C5: variants seen among roughly 807,000 people sequenced by gnomAD.
C5 encodes the protein complement C5, also known as C3 and PZP-like alpha-2-macroglobulin domain-containing protein 4.
C5 carries 140 observed loss-of-function variants against 218.8 expected under a neutral mutation model. The observed-to-expected ratio is 0.64, with a 90% CI of 0.56 to 0.74. C5 has a LOEUF of 0.74. C5 is among the 30% of genes least tolerant of loss of function. The probability of loss-of-function intolerance (pLI) is 0.00; values close to 1 mark genes in which losing one functional copy is unlikely to be tolerated. For missense variants in C5, 1,700 were observed against 1,969.6 expected (o/e 0.86, Z 2.59); for synonymous variants, 614 against 682.3 (o/e 0.90, Z 1.56).
At chr9:121,056,712 T>C in the C5 span, among the ~76,000 whole-genome samples, 1 of 151,902 alleles carries the variant, frequency 6.6e-6, no homozygotes, top group Non-Finnish European at 1.5e-5. Flanking sequence ...GAATGAAGCA[T>C]GCCTACAAGA....
At position 120,972,054 on chromosome 9, in the gene C5, A is replaced by G. The variant is rs1283242564; in HGVS notation, c.4018-62T>C. ...TCATCATTTGATAGGGAGGGAGGAT[A>G]GAGCTATGAAAAGTGGGTTGACATG... On this transcript the variant is annotated intron_variant, in intron 30 of 40. Coordinates refer to ENST00000223642, the MANE Select transcript of C5 (RefSeq NM_001735.3). 4 of 1,412,856 alleles carry G rather than the reference A, an allele frequency of 2.8e-6. No homozygotes were observed. The Admixed American group carries it at 6.7e-5, about 24-fold the overall frequency. 87.5% of individuals were successfully genotyped at this position (1,412,856 alleles called of 1,614,324 possible).
In C5 at chr9:121,015,241, G is replaced by T. The variant is rs369245774; in HGVS notation, c.2017C>A (p.Leu673Ile). The change falls in exon 16 of 41, where the codon CTC becomes ATC. Residue 673 changes from leucine to isoleucine, a missense_variant. Transcript: ENST00000223642. Reference protein sequence around the residue: ...QENDEPCKEILRPRRTLQKKI... With the variant: ...QENDEPCKEIIRPRRTLQKKI... ...TTTTGCAGCGTTCTTCTTGGCCTGA[G>T]AATTTCTTTACAAGGTTCATCTGGT... 151 of 1,605,330 alleles carry T rather than the reference G, an allele frequency of 9.4e-5. No homozygotes were observed. The highest frequency in any genetic ancestry group is 1.6e-4 in the Middle Eastern group (1 of 6,066).
intron 7 of C5, among the ~76,000 whole-genome samples, chr9:121,028,228 G>A (rs1239577086): frequency 3.3e-5 from 5 of 152,254 alleles, no homozygotes; most frequent in East Asian, 1.9e-4. Flanking sequence ...AAATAGGAAC[G>A]CTTTTACACT....
At chr9:121,003,035 G>A (rs529049475) in intron 20 of C5, among the ~76,000 whole-genome samples, 2 of 152,258 alleles carry the variant, frequency 1.3e-5, no homozygotes, top group African/African-American at 2.4e-5. Context: ...GCTCATGCCT[G>A]TAATTTCAGC....
intron 16 of C5, 58 bp downstream of exon 16, chr9:121,015,141 T>A: frequency 9.4e-7 from 1 of 1,068,786 alleles, no homozygotes. Flanking sequence ...TTTAATTTTG[T>A]CCAGTTTTTG....
In C5 at chr9:121,016,293, A is replaced by G; in HGVS notation, c.1957T>C (p.Phe653Leu). 1 of 1,614,100 alleles carries G rather than the reference A, an allele frequency of 6.2e-7. No individual in the cohort carries two copies. The highest frequency in any genetic ancestry group is 8.5e-7 in the Non-Finnish European group (1 of 1,179,942). ...TCATCTGCATTTGCATTAGTGAGGA[A>G]GGTAAGTCCAGCTAGGTGGAACACA... The part of the protein sequence containing the change: ...ANVFHLAGLT[F>L]LTNANADDSQ... The change falls in exon 15 of 41, where the codon TTC (phenylalanine) becomes CTC (leucine). Residue 653 changes from phenylalanine (F) to leucine (L), a missense_variant. Coordinates refer to ENST00000223642, the MANE Select transcript of C5 (RefSeq NM_001735.3).
intron 12 of C5, among the ~76,000 whole-genome samples, chr9:121,018,942 A>T (rs2047340465): frequency 6.6e-6 from 1 of 152,188 alleles, no homozygotes; most frequent in Admixed American, 6.5e-5. Context: ...ACTAAAAGTC[A>T]TACTGATTTT....
intron 22 of C5, among the ~76,000 whole-genome samples, chr9:120,991,595 C>G (rs1172314424): frequency 6.6e-6 from 1 of 152,118 alleles, no homozygotes; most frequent in Non-Finnish European, 1.5e-5. Context: ...AAAATTGTTC[C>G]TGGAACTGAA....
At chr9:120,981,738 G>A in intron 27 of C5, 106 bp downstream of exon 27, 2 of 747,844 alleles carry the variant, frequency 2.7e-6, no homozygotes, top group Non-Finnish European at 4.7e-6. Flanking sequence ...TTATTGGAAA[G>A]AAGGAAAAGA....
At chr9:121,054,425 C>T (rs890218598), upstream of C5, among the ~76,000 whole-genome samples, 1 of 152,030 alleles carries the variant, frequency 6.6e-6, no homozygotes, top group East Asian at 1.9e-4. Context: ...TATGGTGAAA[C>T]CTCATCTCTA....
chr9:121,025,327 C>G (rs1051285192), intron 9 of C5, 127 bp downstream of exon 9: 136 of 1,080,570 alleles, frequency 1.3e-4, no homozygotes, highest in Non-Finnish European at 1.6e-4. Context: ...TTATATTTAA[C>G]TATGAAAGAA....
At chr9:121,006,188 C>T in intron 19 of C5, 130 bp from the exon 20 acceptor site, 1 of 828,770 alleles carries the variant, frequency 1.2e-6, no homozygotes, top group Non-Finnish European at 1.9e-6. Context: ...TTTCTCTGAA[C>T]TCTCAACTCA....
the C5 span, among the ~76,000 whole-genome samples, chr9:121,065,077 ATAT>A: frequency 0.075 from 902 of 11,958 alleles, 14 homozygotes; most frequent in East Asian, 0.27. Flanking sequence ...CTAAAAAAAT[ATAT>A]ATATATATAT....
the C5 span, among the ~76,000 whole-genome samples, chr9:121,060,653 A>T: frequency 1.8e-4 from 28 of 152,144 alleles, no homozygotes; most frequent in African/African-American, 6.5e-4. Context: ...CAAAACACTT[A>T]GTCTATCCCT....
At position 121,008,469 on chromosome 9, in the gene C5, G is replaced by A. The variant is rs765633520; in HGVS notation, c.2287C>T (p.Pro763Ser). ...HMKTLLPVSK[P>S]EIRSYFPESW... The stretch of plus-strand genomic sequence containing the variant: ...TCTGGAAAATAACTCCGAATTTCTG[G>A]CTTGCTTACTGGTAACAGGGTCTTC... Residue 763 changes from proline to serine, a missense_variant, in exon 18 of 41, where the codon CCA (proline) becomes TCA (serine). Transcript: ENST00000223642. The A allele has an allele frequency of 3.1e-6, 5 of 1,613,568 alleles. No homozygotes were observed. In the South Asian group the frequency reaches 5.5e-5, roughly 18 times the overall value.
At position 121,023,385 on chromosome 9, in the gene C5, A is replaced by AC; in HGVS notation, c.1116+18dup. On this transcript the variant is annotated intron_variant, in intron 10 of 40. Coordinates refer to ENST00000223642, the MANE Select transcript of C5 (RefSeq NM_001735.3). Reference sequence around the variant, plus strand: ...AAGATGATCATATGTAGCAACGTCTACCCCCTCACCCAATCTACCTTGATG... The same window carrying AC: ...AAGATGATCATATGTAGCAACGTCTACCCCCCTCACCCAATCTACCTTGATG... The AC allele has an allele frequency of 7.2e-7, 1 of 1,389,850 alleles. No individual in the cohort carries two copies. The highest frequency in any genetic ancestry group is 1.0e-6 in the Non-Finnish European group (1 of 975,566). 86.1% of individuals were successfully genotyped at this position (1,389,850 alleles called of 1,614,324 possible). A position where few individuals can be genotyped will look rare whatever the true frequency, so the allele number is the denominator to read the frequency against.
At chr9:121,067,197 G>A in the C5 span, among the ~76,000 whole-genome samples, 8 of 152,156 alleles carry the variant, frequency 5.3e-5, no homozygotes, top group African/African-American at 1.7e-4. Context: ...GGTCCCAGAA[G>A]GTCAGGGCTG....
intron 18 of C5, among the ~76,000 whole-genome samples, 178 bp from the exon 19 acceptor site, chr9:121,007,155 T>C (rs1298134649): frequency 6.6e-6 from 1 of 152,224 alleles, no homozygotes; most frequent in East Asian, 1.9e-4. Context: ...AGTAACTCTC[T>C]TATATATTGC....
intron 1 of C5, among the ~76,000 whole-genome samples, chr9:121,047,668 A>G (rs181032952): frequency 6.6e-6 from 1 of 152,350 alleles, no homozygotes; most frequent in East Asian, 1.9e-4. Flanking sequence ...TTTAGTAACA[A>G]TGGAATTAAT....
Sources: gnomAD v4.1 joint callset for allele counts (sites outside exome capture counted in the v4.1 genomes callset) on GRCh38, gnomAD v4.1.1 for gene constraint, MANE v1.5 for transcripts, NCBI Gene and HGNC (gene_info 2026-07-23, HGNC 2026-07-21) for gene names.